Variants in PI4KA observed in about 807,000 individuals in gnomAD.
The protein encoded by PI4KA is phosphatidylinositol 4-kinase alpha.
In PI4KA, 122 loss-of-function variants were observed where a neutral mutation model predicts 271.4. The observed-to-expected ratio is 0.45, with a 90% CI of 0.39 to 0.52. The LOEUF is 0.52. PI4KA is among the 20% of genes least tolerant of loss of function. PI4KA has a pLI of 0.00. For synonymous variants in PI4KA, 1,041 were observed against 1,078.8 expected, an observed-to-expected ratio of 0.96 and a Z score of 0.69; for missense variants, 1,969 against 2,769.1, an observed-to-expected ratio of 0.71 and a Z score of 6.48.
chr22:20,858,550 G>C lies in PI4KA; in HGVS notation c.156+20C>G. On this transcript the variant is annotated intron_variant, in intron 1 of 54. Coordinates refer to ENST00000255882, the MANE Select transcript of PI4KA (RefSeq NM_058004.4). The stretch of plus-strand genomic sequence containing the variant: ...CAGCCCCTCCTCCTGTCAGCCCGCG[G>C]CCCAGCCCGCCGACGTTACCTTCTC... 7.3e-7 allele frequency: 1 copy of C among 1,360,572 alleles called. No individual in the cohort carries two copies. Among genetic ancestry groups the C allele is most frequent in the Non-Finnish European group, 9.5e-7 (1 of 1,049,182 alleles). The allele number at this position is 1,360,572 out of a possible 1,614,324, so 84.3% of individuals were successfully genotyped here. A position where few individuals can be genotyped will look rare whatever the true frequency, so the allele number is the denominator to read the frequency against.
intron 32 of PI4KA, 71 bp downstream of exon 32, chr22:20,742,157 G>T: frequency 1.3e-6 from 2 of 1,510,772 alleles, no homozygotes; most frequent in Non-Finnish European, 1.8e-6. Context: ...GGTGGTGGCG[G>T]CACCAGGGAA....
chr22:20,851,036 C>T (rs1005038498), intron 1 of PI4KA, among the ~76,000 whole-genome samples: 2 of 152,012 alleles, frequency 1.3e-5, no homozygotes, highest in African/African-American at 4.8e-5. Flanking sequence ...AAAAGCAAAA[C>T]TGTCTCCAAA....
In PI4KA at chr22:20,807,436, T is replaced by C; in HGVS notation, c.1094A>G (p.Tyr365Cys). 1.9e-6 allele frequency: 3 copies of C among 1,612,488 alleles called. No homozygotes were observed. The highest frequency in any genetic ancestry group is 2.5e-6 in the Non-Finnish European group (3 of 1,178,562). The stretch of plus-strand genomic sequence containing the variant: ...GAGAGGGTCACTGAAGGAAGTGTAG[T>C]AGAGATCAGCACTGGGGTTGGCCTG... ...VMEANPSADL[Y>C]YTSFSDPLYL... Residue 365 changes from tyrosine (Y) to cysteine (C), a missense_variant, in exon 10 of 55, where the codon TAC becomes TGC. Physicochemically the swap from Tyr to Cys is radical, Grantham distance 194. Transcript: ENST00000255882.
At chr22:20,805,212 G>T in intron 10 of PI4KA, 47 bp from the exon 11 acceptor site, 1 of 1,350,736 alleles carries the variant, frequency 7.4e-7, no homozygotes, top group Non-Finnish European at 1.1e-6. Flanking sequence ...AACTACAGTA[G>T]AACACAGGCA....
intron 52 of PI4KA, chr22:20,710,314 G>A: frequency 3.8e-6 from 2 of 532,288 alleles, no homozygotes; most frequent in Non-Finnish European, 3.4e-6. Flanking sequence ...CTGCAGGGCA[G>A]TGGGGATGAA....
intron 32 of PI4KA, among the ~76,000 whole-genome samples, chr22:20,740,739 G>A (rs1260004007): frequency 1.3e-5 from 2 of 152,166 alleles, no homozygotes; most frequent in Admixed American, 1.3e-4. Flanking sequence ...GCTGTACTGA[G>A]AAACAAAAAG....
chr22:20,790,634 C>A (rs775201643), intron 19 of PI4KA, among the ~76,000 whole-genome samples: 3 of 151,240 alleles, frequency 2.0e-5, no homozygotes, highest in Non-Finnish European at 4.4e-5. Context: ...GCACTCCAGT[C>A]TGGGTGACAG....
intron 14 of PI4KA, among the ~76,000 whole-genome samples, chr22:20,800,595 G>A (rs1188604383): frequency 6.6e-6 from 1 of 151,530 alleles, no homozygotes; most frequent in African/African-American, 2.4e-5. Context: ...AGGCACGGTG[G>A]CTCACACCTG....
rs551359856 is a variant in PI4KA, at chr22:20,779,083, C to T, written c.2329-13390G>A. The T allele has an allele frequency of 4.4e-5, 50 of 1,129,864 alleles. No individual in the cohort carries two copies. In the Admixed American group the frequency reaches 5.6e-4, roughly 13 times the overall value. 70.0% of individuals were successfully genotyped at this position (1,129,864 alleles called of 1,614,324 possible). On this transcript the variant is annotated intron_variant, in intron 19 of 54. Coordinates refer to ENST00000255882, the MANE Select transcript of PI4KA (RefSeq NM_058004.4). ...GAAGGGATTTTCATCAAGGGGCCCA[C>T]AGATCCTTCATTGAGGTTTATGAGT...
chr22:20,808,150 C>T (rs1000404482), intron 9 of PI4KA, among the ~76,000 whole-genome samples: 1 of 151,694 alleles, frequency 6.6e-6, no homozygotes. Flanking sequence ...ATTAGCTGGG[C>T]GTGGTGGTAC....
At chr22:20,808,739 T>A in intron 9 of PI4KA, among the ~76,000 whole-genome samples, 1 of 151,526 alleles carries the variant, frequency 6.6e-6, no homozygotes, top group African/African-American at 2.4e-5. Flanking sequence ...AATGCAGTGG[T>A]ATGATCACAG....
chr22:20,846,189 G>A (rs1356668234), intron 1 of PI4KA, among the ~76,000 whole-genome samples: 11 of 144,978 alleles, frequency 7.6e-5, no homozygotes, highest in Non-Finnish European at 1.5e-4. Flanking sequence ...GCATGAACCC[G>A]GGAGGCAGAG....
Position 20,733,759 on chromosome 22 carries a change from G to A in PI4KA, c.4137C>T (p.Tyr1379=). 3.7e-6 allele frequency: 6 copies of A among 1,613,702 alleles called. No homozygotes were observed. Among genetic ancestry groups the A allele is most frequent in the South Asian group, 2.2e-5 (2 of 91,056 alleles). ...TIRNVLREKI[Y]STAFDYFSCP... is the part of the protein sequence containing the mutation. ...ACCTGAAGTAGTCAAAGGCAGTGGAGTAGATCTTCTCGCGAAGCACATTGC... is the reference window on the plus strand; with the variant it reads ...ACCTGAAGTAGTCAAAGGCAGTGGAATAGATCTTCTCGCGAAGCACATTGC... Residue 1379 remains tyrosine (Y), a synonymous_variant, in exon 35 of 55, where the codon TAC becomes TAT. Coordinates refer to ENST00000255882, the MANE Select transcript of PI4KA (RefSeq NM_058004.4).
At chr22:20,846,375 A>G (rs1332636209) in intron 1 of PI4KA, among the ~76,000 whole-genome samples, 1 of 151,456 alleles carries the variant, frequency 6.6e-6, no homozygotes. Context: ...TGTTATATGA[A>G]CTTTATCTCA....
At position 20,765,018 on chromosome 22, in the gene PI4KA, C is replaced by A; in HGVS notation, c.2575-68G>T. On this transcript the variant is annotated intron_variant, in intron 21 of 54. Coordinates refer to ENST00000255882, the MANE Select transcript of PI4KA (RefSeq NM_058004.4). ...AGGACAAACAGGTCCCAGTGGCTGG[C>A]AACATGTGTTAATAATGACAGTGAA... 3 of 1,579,488 alleles carry A rather than the reference C, an allele frequency of 1.9e-6. No individual in the cohort carries two copies. In the East Asian group the frequency reaches 6.8e-5, roughly 36 times the overall value.
At chr22:20,811,574 T>C (rs1040372222) in intron 8 of PI4KA, among the ~76,000 whole-genome samples, 2 of 131,740 alleles carry the variant, frequency 1.5e-5, no homozygotes, top group African/African-American at 6.1e-5. Flanking sequence ...GTATTTAGTG[T>C]AGGAATGAAT....
intron 42 of PI4KA, 88 bp from the exon 43 acceptor site, chr22:20,721,506 T>A (rs1238492409): frequency 1.4e-6 from 2 of 1,446,768 alleles, no homozygotes; most frequent in Admixed American, 1.7e-5. Context: ...CGGCATTTGG[T>A]AGACCAGGCA....
chr22:20,799,093 A>G lies in PI4KA; in HGVS notation c.2004T>C (p.Asn668=). 1 of 1,612,982 alleles carries G rather than the reference A, an allele frequency of 6.2e-7. No homozygotes were observed. Among genetic ancestry groups the G allele is most frequent in the Non-Finnish European group, 8.5e-7 (1 of 1,179,598 alleles). ...GTGTTCTGGCTCTGGCCTCCCTTAC[A>G]TTTCCGGTGATAACCAGGCAGCCCA... ...DQLGCLVITG[N]QYIYQEVWNL... is the part of the protein sequence containing the mutation. Residue 668 remains asparagine, a splice_region_variant and synonymous_variant, in exon 16 of 55, where the codon AAT becomes AAC. Coordinates refer to ENST00000255882, the MANE Select transcript of PI4KA (RefSeq NM_058004.4).
Position 20,798,815 on chromosome 22 carries a change from TC to T in PI4KA, c.2005-129del, listed in dbSNP as rs1935127367. Reference sequence around the variant, plus strand: ...CCAAAGACTATCAGCCCAAAGATCATCCATTTCTAAAGCTTTAATCAAACCT... The same window carrying T: ...CCAAAGACTATCAGCCCAAAGATCATCATTTCTAAAGCTTTAATCAAACCT... On this transcript the variant is annotated intron_variant, in intron 16 of 54. Transcript: ENST00000255882. The T allele has an allele frequency of 4.3e-6, 3 of 699,232 alleles. No homozygotes were observed. In the African/African-American group the frequency reaches 5.3e-5, roughly 12 times the overall value. 43.3% of individuals were successfully genotyped at this position (699,232 alleles called of 1,614,324 possible). A position where few individuals can be genotyped will look rare whatever the true frequency, so the allele number is the denominator to read the frequency against.
Sources: allele counts gnomAD v4.1 joint callset (sites outside exome capture counted in the v4.1 genomes callset), GRCh38; gene constraint gnomAD v4.1.1; transcripts MANE v1.5; gene names NCBI Gene and HGNC (gene_info 2026-07-23, HGNC 2026-07-21).